LRP1B: variants seen among roughly 807,000 people sequenced by gnomAD.
The protein encoded by LRP1B is low-density lipoprotein receptor-related protein 1B.
A neutral mutation model predicts 556.6 loss-of-function variants in LRP1B; 217 were observed. The ratio of observed to expected loss-of-function variants is 0.39; its 90% CI spans 0.35 to 0.44. The LOEUF (loss-of-function observed/expected upper bound fraction) is 0.44, where lower values mean the gene tolerates loss of function less well. Ranked by LOEUF, LRP1B falls within the 20% of genes least tolerant of loss-of-function variation. The probability of loss-of-function intolerance (pLI) is 1.00; values close to 1 mark genes in which losing one functional copy is unlikely to be tolerated. For missense variants in LRP1B, 5,053 were observed against 5,620.8 expected, an observed-to-expected ratio of 0.90 and a Z score of 3.23; for synonymous variants, 2,047 against 1,865.8, an observed-to-expected ratio of 1.10 and a Z score of -2.50.
chr2:140,942,296 A>G (rs1695424122), intron 20 of LRP1B, among the ~76,000 whole-genome samples: 1 of 152,180 alleles, frequency 6.6e-6, no homozygotes, highest in Non-Finnish European at 1.5e-5. Flanking sequence ...GGGATTATGC[A>G]AAGTGATCAA....
At chr2:140,979,386 T>C (rs2105339701) in intron 18 of LRP1B, among the ~76,000 whole-genome samples, 1 of 152,346 alleles carries the variant, frequency 6.6e-6, no homozygotes, top group South Asian at 2.1e-4. Flanking sequence ...AAACATATAA[T>C]GTTTAAAACA....
intron 60 of LRP1B, among the ~76,000 whole-genome samples, chr2:140,466,772 AACTT>A (rs1198465981): frequency 6.6e-6 from 1 of 152,212 alleles, no homozygotes; most frequent in Non-Finnish European, 1.5e-5. Flanking sequence ...GGAACAAATA[AACTT>A]AAAAACTCAA....
intron 35 of LRP1B, among the ~76,000 whole-genome samples, chr2:140,725,230 C>G (rs2105483482): frequency 6.6e-6 from 1 of 152,168 alleles, no homozygotes; most frequent in Admixed American, 6.6e-5. Context: ...AGGGAGGAAG[C>G]TTTCTCATAT....
rs536028937 is a variant in LRP1B at position 141,178,129 on chromosome 2, C to T, written c.1013+10292G>A. ...TCTTTGTCTCTTCATATCTTAAAAC[C>T]GGAAAAGGCAATAAACAGTTTATGA... On this transcript the variant is annotated intron_variant, in intron 7 of 90. Transcript: ENST00000389484. 1.7e-3 allele frequency among the ~76,000 whole-genome samples: 262 copies of T among 152,126 alleles called. 1 individual carries two copies. Among genetic ancestry groups the T allele is most frequent in the Non-Finnish European group, 3.1e-3 (208 of 67,994 alleles).
At position 140,347,086 on chromosome 2, in the gene LRP1B, T is replaced by TTAACC. The variant is rs533506840; in HGVS notation, c.11892+3706_11892+3710dup. On this transcript the variant is annotated intron_variant, in intron 77 of 90. Coordinates refer to ENST00000389484, the MANE Select transcript of LRP1B (RefSeq NM_018557.3). Reference sequence around the variant, plus strand: ...AAAGTTATTTGCATTTTTCCAAACATTAACCTACTTTATAGTGCTTCCCCT... The same window carrying TTAACC: ...AAAGTTATTTGCATTTTTCCAAACATTAACCTAACCTACTTTATAGTGCTTCCCCT... 2.4e-3 allele frequency among the ~76,000 whole-genome samples: 361 copies of TTAACC among 152,028 alleles called. 1 individual carries two copies. The highest frequency in any genetic ancestry group is 1.8e-3 in the Non-Finnish European group (121 of 67,906).
At chr2:140,409,023 T>C (rs1558862471) in intron 66 of LRP1B, among the ~76,000 whole-genome samples, 1 of 151,920 alleles carries the variant, frequency 6.6e-6, no homozygotes, top group Non-Finnish European at 1.5e-5. Flanking sequence ...GAAAGGAGCA[T>C]TTATATTTGA....
At chr2:141,953,247 T>C (rs1701160151) in intron 1 of LRP1B, among the ~76,000 whole-genome samples, 3 of 152,092 alleles carry the variant, frequency 2.0e-5, no homozygotes, top group South Asian at 4.1e-4. Flanking sequence ...CTAAAACATA[T>C]ATGTCACCAG....
At chr2:141,650,144 C>A (rs1689731174) in intron 2 of LRP1B, among the ~76,000 whole-genome samples, 2 of 152,200 alleles carry the variant, frequency 1.3e-5, no homozygotes, top group Admixed American at 1.3e-4. Flanking sequence ...TGTGCCAATG[C>A]ACTCCAGCCT....
At chr2:141,589,886 A>G (rs6429912) in intron 2 of LRP1B, among the ~76,000 whole-genome samples, 52,353 of 151,970 alleles carry the variant, frequency 0.34, 10,084 homozygotes, top group Non-Finnish European at 0.44. Context: ...GGAGAAAGGC[A>G]ATAAAGTTAT....
At chr2:140,333,168 T>A (rs1680898225) in intron 79 of LRP1B, among the ~76,000 whole-genome samples, 1 of 152,056 alleles carries the variant, frequency 6.6e-6, no homozygotes, top group Non-Finnish European at 1.5e-5. Context: ...CTTAAAAAAC[T>A]CTTTCCTCAT....
intron 3 of LRP1B, among the ~76,000 whole-genome samples, chr2:141,407,826 C>T (rs1690697915): frequency 6.6e-6 from 1 of 152,162 alleles, no homozygotes; most frequent in African/African-American, 2.4e-5. Context: ...GATGTAAGAA[C>T]AACCTAATAT....
chr2:140,430,514 T>C (rs1375581376), intron 66 of LRP1B, among the ~76,000 whole-genome samples: 3 of 152,182 alleles, frequency 2.0e-5, no homozygotes, highest in African/African-American at 7.2e-5. Context: ...ATGCTTATGC[T>C]GATAAGGTGG....
intron 6 of LRP1B, among the ~76,000 whole-genome samples, chr2:141,215,703 T>C (rs1682773509): frequency 6.6e-6 from 1 of 152,190 alleles, no homozygotes; most frequent in South Asian, 2.1e-4. Flanking sequence ...GCTCTATGGA[T>C]CTATGGAAGT....
At chr2:140,665,704 G>A (rs1685242317) in intron 41 of LRP1B, among the ~76,000 whole-genome samples, 1 of 152,076 alleles carries the variant, frequency 6.6e-6, no homozygotes, top group Admixed American at 6.5e-5. Context: ...GAATTTACAT[G>A]ATGGCATATT....
intron 3 of LRP1B, among the ~76,000 whole-genome samples, chr2:141,424,689 T>C (rs1680284959): frequency 1.3e-5 from 2 of 152,176 alleles, no homozygotes; most frequent in South Asian, 4.1e-4. Flanking sequence ...TTAATCTCAT[T>C]AACACCAAGT....
chr2:141,685,357 T>A (rs1376302445), intron 2 of LRP1B, among the ~76,000 whole-genome samples: 1 of 152,106 alleles, frequency 6.6e-6, no homozygotes, highest in Non-Finnish European at 1.5e-5. Flanking sequence ...TTTTGGACTT[T>A]AAATTGATGA....
intron 1 of LRP1B, among the ~76,000 whole-genome samples, chr2:141,872,930 C>T (rs375905402): frequency 3.9e-5 from 6 of 151,900 alleles, no homozygotes; most frequent in South Asian, 4.1e-4. Flanking sequence ...CACATTTAAG[C>T]GTGCAAGAAT....
At chr2:140,497,904 G>C (rs900968088) in intron 55 of LRP1B, among the ~76,000 whole-genome samples, 6 of 151,722 alleles carry the variant, frequency 4.0e-5, no homozygotes, top group Non-Finnish European at 8.9e-5. Flanking sequence ...AAAAGTTTAA[G>C]ATTTACAGTA....
intron 1 of LRP1B, among the ~76,000 whole-genome samples, chr2:141,815,468 G>C (rs547340290): frequency 6.6e-6 from 1 of 152,176 alleles, no homozygotes; most frequent in South Asian, 2.1e-4. Flanking sequence ...GCTTGCAAGA[G>C]GATTGTAAAA....
Sources: gnomAD v4.1 joint callset for allele counts (sites outside exome capture counted in the v4.1 genomes callset) on GRCh38, gnomAD v4.1.1 for gene constraint, MANE v1.5 for transcripts, NCBI Gene and HGNC (gene_info 2026-07-23, HGNC 2026-07-21) for gene names.